Variants in SLC2A6 observed in about 807,000 individuals in gnomAD.
The protein encoded by SLC2A6 is solute carrier family 2, facilitated glucose transporter member 6.
SLC2A6 carries 39 observed loss-of-function variants against 47.8 expected under a neutral mutation model. The observed-to-expected ratio is 0.82, with a 90% CI of 0.63 to 1.07. The LOEUF is 1.07. Among genes scored for constraint, SLC2A6 ranks in the 50% least tolerant of loss-of-function variants. SLC2A6 has a pLI of 0.00. For synonymous variants in SLC2A6, 346 were observed against 324.1 expected, an observed-to-expected ratio of 1.07 and a Z score of -0.73; for missense variants, 650 against 707.6, an observed-to-expected ratio of 0.92 and a Z score of 0.92.
intron 1 of SLC2A6, 73 bp downstream of exon 1, chr9:133,478,895 G>A (rs1844067778): frequency 2.2e-6 from 3 of 1,386,114 alleles, no homozygotes; most frequent in East Asian, 2.7e-5. Context: ...CAGGGCGGGA[G>A]CCTGCCGCCG....
chr9:133,478,325 CAG>C lies in SLC2A6; in HGVS notation c.182_183del (p.Pro61ArgfsTer12), dbSNP rs1554803875. On this transcript the variant is annotated frameshift_variant, in exon 2 of 10. Coordinates refer to ENST00000371899, the MANE Select transcript of SLC2A6 (RefSeq NM_017585.4). LOFTEE classifies it high-confidence loss of function. Reference protein sequence around the residue: ...SFGYALVYTSPVIPALERSLD... With the variant: ...SFGYALVYTSXVIPALERSLD... ...AAGGAGCGCTCCAGGGCTGGGATGA[CAG>C]GGGATGTGTAGACCAGGGCATACCC... The C allele has an allele frequency of 1.2e-5, 19 of 1,614,126 alleles. No individual in the cohort carries two copies. The South Asian group carries it at 1.2e-4, about 10-fold the overall frequency.
intron 9 of SLC2A6, 118 bp from the exon 10 acceptor site, chr9:133,472,294 C>T (rs944242039): frequency 3.2e-6 from 4 of 1,234,766 alleles, no homozygotes; most frequent in East Asian, 2.5e-5. Context: ...TCTGGTCCTT[C>T]CTGTGTTCAG....
intron 9 of SLC2A6, 91 bp downstream of exon 9, chr9:133,473,014 C>T: frequency 2.2e-6 from 3 of 1,393,556 alleles, no homozygotes; most frequent in Middle Eastern, 2.6e-4. Context: ...AGGGTCCTGA[C>T]AGCAGGCCTT....
Position 133,471,978 on chromosome 9 carries a change from C to T in SLC2A6, c.*43G>A. 1.9e-6 allele frequency: 3 copies of T among 1,595,628 alleles called. No individual in the cohort carries two copies. Among genetic ancestry groups the T allele is most frequent in the Non-Finnish European group, 1.7e-6 (2 of 1,168,272 alleles). On this transcript the variant is annotated 3_prime_UTR_variant, in exon 10 of 10. Transcript: ENST00000371899. ...GCAGGTTTGTAGCCAACACAGAGGC[C>T]CAGCCACTGGGGGTTTGGCCCCCTC...
rs767052534 is a variant in SLC2A6, at chr9:133,474,003, C to T, written c.1013G>A (p.Arg338His). 5.0e-5 allele frequency: 80 copies of T among 1,609,440 alleles called. No individual in the cohort carries two copies. Among genetic ancestry groups the T allele is most frequent in the Non-Finnish European group, 6.1e-5 (72 of 1,178,232 alleles). Residue 338 changes from arginine (R) to histidine (H), a missense_variant, in exon 7 of 10, where the codon CGC becomes CAC. Transcript: ENST00000371899. The part of the protein sequence containing the change: ...IAALTMDLAG[R>H]KVLLFVSAAI... ...ACCTGAGACGAAGAGCAGCACCTTG[C>T]GGCCTGCGAGGTCCATGGTGAGGGC...
chr9:133,475,240 C>T, intron 5 of SLC2A6, 127 bp from the exon 6 acceptor site: 1 of 1,383,164 alleles, frequency 7.2e-7, no homozygotes, highest in Non-Finnish European at 9.5e-7. Flanking sequence ...ACCAGCTTAC[C>T]AGGCCACCCA....
Position 133,478,969 on chromosome 9 carries a change from C to T in SLC2A6, c.91G>A (p.Gly31Arg), listed in dbSNP as rs1554804137. 1.3e-5 allele frequency: 20 copies of T among 1,578,962 alleles called. No individual in the cohort carries two copies. Among genetic ancestry groups the T allele is most frequent in the Non-Finnish European group, 1.7e-5 (20 of 1,166,736 alleles). ...AGCCCCCAACCTAGCGACTCTCACCCGACCCGCGCCCTGTCCCCTGGCGAC... is the reference window on the plus strand; with the variant it reads ...AGCCCCCAACCTAGCGACTCTCACCTGACCCGCGCCCTGTCCCCTGGCGAC... The part of the protein sequence containing the change: ...PPSPGDRARV[G>R]TLQNKRVFLA... The change falls in exon 1 of 10, where the codon GGG becomes AGG. Residue 31 changes from glycine to arginine, a missense_variant and splice_region_variant. Coordinates refer to ENST00000371899, the MANE Select transcript of SLC2A6 (RefSeq NM_017585.4).
intron 6 of SLC2A6, 89 bp downstream of exon 6, chr9:133,474,872 G>C: frequency 1.5e-6 from 2 of 1,327,806 alleles, no homozygotes; most frequent in South Asian, 3.2e-5. Context: ...CCAGGGGTTG[G>C]GTAAGTGCAG....
chr9:133,476,662 G>A (rs1016557398), intron 3 of SLC2A6, among the ~76,000 whole-genome samples: 1 of 152,184 alleles, frequency 6.6e-6, no homozygotes, highest in Non-Finnish European at 1.5e-5. Context: ...CTCCTCTGCT[G>A]GGCTCACCAC....
chr9:133,478,860 G>T, intron 1 of SLC2A6, 108 bp downstream of exon 1: 1 of 949,202 alleles, frequency 1.1e-6, no homozygotes, highest in Non-Finnish European at 1.5e-6. Context: ...ATGGCCCCTC[G>T]GTGGCGACTA....
At chr9:133,472,970 G>A in intron 9 of SLC2A6, 135 bp downstream of exon 9, 2 of 902,272 alleles carry the variant, frequency 2.2e-6, no homozygotes, top group Non-Finnish European at 3.3e-6. Context: ...GAGTTCAGGG[G>A]GTGTGTGCTC....
intron 8 of SLC2A6, 28 bp from the exon 9 acceptor site, chr9:133,473,278 C>A: frequency 1.9e-6 from 3 of 1,552,580 alleles, no homozygotes; most frequent in Non-Finnish European, 2.6e-6. Context: ...CAGGTTCAGG[C>A]CCTGTGGGGT....
chr9:133,478,153 G>C, intron 2 of SLC2A6, 101 bp downstream of exon 2: 4 of 1,342,360 alleles, frequency 3.0e-6, no homozygotes, highest in Non-Finnish European at 4.2e-6. Context: ...GGGCCCTGGA[G>C]GGACCCCCAA....
At chr9:133,475,264 GC>G in intron 5 of SLC2A6, 135 bp downstream of exon 5, 2 of 1,360,684 alleles carry the variant, frequency 1.5e-6, no homozygotes, top group East Asian at 2.5e-5. Flanking sequence ...TCTGGGAACA[GC>G]CCCCCACCCC....
Position 133,474,107 on chromosome 9 carries a change from C to A in SLC2A6, c.928-19G>T. Reference sequence around the variant, plus strand: ...TGGGGGGCTATCGGGGGGAGACCACCAGGGCTGAGGGACCTGCCTGCTGTT... The same window carrying A: ...TGGGGGGCTATCGGGGGGAGACCACAAGGGCTGAGGGACCTGCCTGCTGTT... On this transcript the variant is annotated intron_variant, in intron 6 of 9. Transcript: ENST00000371899. 1 of 1,572,796 alleles carries A rather than the reference C, an allele frequency of 6.4e-7. No individual in the cohort carries two copies. Among genetic ancestry groups the A allele is most frequent in the African/African-American group, 1.3e-5 (1 of 74,626 alleles).
intron 6 of SLC2A6, among the ~76,000 whole-genome samples, 185 bp from the exon 7 acceptor site, chr9:133,474,273 G>A (rs1042278758): frequency 6.6e-6 from 1 of 152,244 alleles, no homozygotes; most frequent in African/African-American, 2.4e-5. Flanking sequence ...TCCTGGGCAG[G>A]GACACATCTG....
chr9:133,475,368 C>A, intron 5 of SLC2A6, 32 bp downstream of exon 5: 1 of 1,552,152 alleles, frequency 6.4e-7, no homozygotes, highest in African/African-American at 1.4e-5. Context: ...TGGAGGTGGG[C>A]CTGCCCGGTT....
rs781917380 is a variant in SLC2A6, at chr9:133,475,131, C to T, written c.775-18G>A. 1.4e-5 allele frequency: 21 copies of T among 1,521,936 alleles called. No individual in the cohort carries two copies. The East Asian group carries it at 1.4e-4, about 10-fold the overall frequency. 94.3% of individuals were successfully genotyped at this position (1,521,936 alleles called of 1,614,324 possible). ...CGGCTGCTCTGAAACACAAGGCCGC[C>T]GCTGAGGGCGTTGGGCCAGCCTCTC... On this transcript the variant is annotated intron_variant, in intron 5 of 9. Transcript: ENST00000371899.
chr9:133,477,688 C>T (rs1468516603), intron 2 of SLC2A6, among the ~76,000 whole-genome samples: 1 of 152,200 alleles, frequency 6.6e-6, no homozygotes, highest in Non-Finnish European at 1.5e-5. Context: ...ATGGGGAGAG[C>T]GCAAGTTCTA....
Sources: gnomAD v4.1 joint callset for allele counts (sites outside exome capture counted in the v4.1 genomes callset) on GRCh38, gnomAD v4.1.1 for gene constraint, MANE v1.5 for transcripts, NCBI Gene and HGNC (gene_info 2026-07-23, HGNC 2026-07-21) for gene names.